The following IGSF10 variants were observed in gnomAD, a reference collection of about 807,000 sequenced individuals.
The protein encoded by IGSF10 is immunoglobulin superfamily member 10.
In IGSF10, 126 loss-of-function variants were observed where a neutral mutation model predicts 128.2. The observed-to-expected ratio is 0.98, with a 90% CI of 0.85 to 1.14. The LOEUF (loss-of-function observed/expected upper bound fraction) is 1.14. Among genes scored for constraint, IGSF10 ranks in the 50% most tolerant of loss-of-function variants. IGSF10 has a pLI of 0.00. For missense variants in IGSF10, 3,295 were observed against 3,149.8 expected (o/e 1.05, Z -1.10); for synonymous variants, 1,185 against 1,146.2 (o/e 1.03, Z -0.68).
chr3:151,441,826 C>T (rs1356696724), intron 7 of IGSF10, among the ~76,000 whole-genome samples: 1 of 152,146 alleles, frequency 6.6e-6, no homozygotes, highest in East Asian at 1.9e-4. Flanking sequence ...CTTTGGGAGG[C>T]TAAGGCGGGC....
At chr3:151,546,721 C>T in the IGSF10 span, among the ~76,000 whole-genome samples, 2 of 152,048 alleles carry the variant, frequency 1.3e-5, no homozygotes, top group Non-Finnish European at 2.9e-5. Flanking sequence ...TCCCTCTTCC[C>T]CATTCTATAA....
chr3:151,607,401 T>TA, the IGSF10 span, among the ~76,000 whole-genome samples: 65 of 151,498 alleles, frequency 4.3e-4, no homozygotes, highest in South Asian at 4.0e-3. Context: ...GTATAAAATT[T>TA]TAAAAAAAAA....
chr3:151,586,310 G>C, the IGSF10 span, among the ~76,000 whole-genome samples: 1 of 151,920 alleles, frequency 6.6e-6, no homozygotes, highest in East Asian at 1.9e-4. Context: ...CAAAAAATTA[G>C]CTTTTTTTCT....
At chr3:151,473,134 C>T in the IGSF10 span, among the ~76,000 whole-genome samples, 3 of 152,178 alleles carry the variant, frequency 2.0e-5, no homozygotes. Context: ...CTGTTTTCCT[C>T]ATCTTTTGTT....
the IGSF10 span, among the ~76,000 whole-genome samples, chr3:151,530,470 T>A: frequency 1.7e-4 from 26 of 152,148 alleles, no homozygotes; most frequent in South Asian, 5.4e-3. Context: ...GAGAGAAATA[T>A]CGGGTTACCC....
At chr3:151,452,636 T>C (rs915259203) in intron 5 of IGSF10, among the ~76,000 whole-genome samples, 3 of 152,158 alleles carry the variant, frequency 2.0e-5, no homozygotes, top group African/African-American at 4.8e-5. Context: ...TATAAATGCA[T>C]ATATGATGTG....
the IGSF10 span, among the ~76,000 whole-genome samples, chr3:151,512,587 G>A: frequency 6.6e-6 from 1 of 152,092 alleles, no homozygotes; most frequent in Non-Finnish European, 1.5e-5. Context: ...TCAAAAGCTA[G>A]CAGAAGGCAA....
chr3:151,466,424 T>C, the IGSF10 span, among the ~76,000 whole-genome samples: 1 of 152,164 alleles, frequency 6.6e-6, no homozygotes, highest in Non-Finnish European at 1.5e-5. Flanking sequence ...ATTAACTGGA[T>C]TGAATTCAAT....
the IGSF10 span, among the ~76,000 whole-genome samples, chr3:151,511,200 A>G: frequency 6.6e-6 from 1 of 152,204 alleles, no homozygotes; most frequent in African/African-American, 2.4e-5. Flanking sequence ...AAAAATGTTA[A>G]GGGCAGCCAG....
the IGSF10 span, among the ~76,000 whole-genome samples, chr3:151,483,912 T>C: frequency 3.3e-5 from 5 of 152,206 alleles, no homozygotes; most frequent in Admixed American, 3.3e-4. Context: ...ATGAGTTTTT[T>C]TTATATACCC....
chr3:151,541,919 C>A, the IGSF10 span, among the ~76,000 whole-genome samples: 1 of 152,128 alleles, frequency 6.6e-6, no homozygotes, highest in Non-Finnish European at 1.5e-5. Context: ...ATTGTGTATG[C>A]GGCAGGTAGC....
the IGSF10 span, among the ~76,000 whole-genome samples, chr3:151,548,412 T>G: frequency 1.3e-5 from 2 of 152,264 alleles, no homozygotes; most frequent in East Asian, 3.9e-4. Flanking sequence ...TCACAGACAT[T>G]GTGGAGAAGA....
At chr3:151,465,283 G>C (rs1491976), upstream of IGSF10, among the ~76,000 whole-genome samples, 122,788 of 152,256 alleles carry the variant, frequency 0.81, 49,986 homozygotes, top group Middle Eastern at 0.96. Context: ...TTAGAAACCT[G>C]ATATAGATGC....
chr3:151,472,153 C>T, the IGSF10 span, among the ~76,000 whole-genome samples: 1 of 152,050 alleles, frequency 6.6e-6, no homozygotes, highest in Non-Finnish European at 1.5e-5. Context: ...TTTGACTTGT[C>T]AAAGCAATAA....
chr3:151,612,606 A>G, the IGSF10 span, among the ~76,000 whole-genome samples: 3 of 152,198 alleles, frequency 2.0e-5, no homozygotes, highest in Non-Finnish European at 4.4e-5. Flanking sequence ...GCCAACTTAT[A>G]GCTGATAATT....
the IGSF10 span, among the ~76,000 whole-genome samples, chr3:151,529,696 A>G: frequency 6.6e-6 from 1 of 152,208 alleles, no homozygotes; most frequent in Non-Finnish European, 1.5e-5. Context: ...CAGAGACCAC[A>G]TCCAAAGGTT....
the IGSF10 span, among the ~76,000 whole-genome samples, chr3:151,517,030 T>A: frequency 6.6e-6 from 1 of 152,044 alleles, no homozygotes; most frequent in Admixed American, 6.6e-5. Context: ...TAGAAGGGCA[T>A]CATTTGTTAA....
At chr3:151,514,850 A>C in the IGSF10 span, among the ~76,000 whole-genome samples, 1 of 152,224 alleles carries the variant, frequency 6.6e-6, no homozygotes, top group Non-Finnish European at 1.5e-5. Flanking sequence ...TTATGCAGCC[A>C]AAAAACACGT....
the IGSF10 span, among the ~76,000 whole-genome samples, chr3:151,582,292 C>T: frequency 5.1e-5 from 2 of 39,396 alleles, no homozygotes; most frequent in African/African-American, 8.9e-5. Flanking sequence ...TAAAAATATC[C>T]GGGGGGGGGG....
Sources: allele counts gnomAD v4.1 joint callset (sites outside exome capture counted in the v4.1 genomes callset), GRCh38; gene constraint gnomAD v4.1.1; transcripts MANE v1.5; gene names NCBI Gene and HGNC (gene_info 2026-07-23, HGNC 2026-07-21).